The following TEKT5 variants were observed in gnomAD, a reference collection of about 807,000 sequenced individuals.
TEKT5 encodes the protein tektin 5.
In TEKT5, 52 loss-of-function variants were observed where a neutral mutation model predicts 48.7. The ratio of observed to expected loss-of-function variants is 1.07; its 90% CI spans 0.86 to 1.35. The LOEUF is 1.35. TEKT5 is among the 40% of genes most tolerant of loss of function. TEKT5 has a pLI of 0.00. For missense variants in TEKT5, 831 were observed against 641.6 expected, an observed-to-expected ratio of 1.30 and a Z score of -3.19; for synonymous variants, 318 against 267.6, an observed-to-expected ratio of 1.19 and a Z score of -1.84.
intron 4 of TEKT5, among the ~76,000 whole-genome samples, chr16:10,679,681 G>C (rs933070334): frequency 6.6e-6 from 1 of 151,962 alleles, no homozygotes; most frequent in African/African-American, 2.4e-5. Flanking sequence ...GATCACCTAA[G>C]GTCAGGAGTT....
intron 5 of TEKT5, among the ~76,000 whole-genome samples, chr16:10,652,457 C>G: frequency 7.8e-6 from 1 of 128,914 alleles, no homozygotes; most frequent in African/African-American, 3.1e-5. Context: ...GGCAAACACA[C>G]ACACACACAC....
chr16:10,669,207 C>T (rs1898512650), intron 5 of TEKT5, among the ~76,000 whole-genome samples: 1 of 152,134 alleles, frequency 6.6e-6, no homozygotes, highest in Non-Finnish European at 1.5e-5. Flanking sequence ...GTAGCTCACG[C>T]CTGTAATCCT....
At chr16:10,677,080 A>G (rs1898660158) in intron 4 of TEKT5, among the ~76,000 whole-genome samples, 1 of 152,146 alleles carries the variant, frequency 6.6e-6, no homozygotes, top group Non-Finnish European at 1.5e-5. Flanking sequence ...GGTCCCAGCT[A>G]CTTGGGAGGC....
At chr16:10,693,719 A>G (rs1473678187) in intron 1 of TEKT5, among the ~76,000 whole-genome samples, 1 of 152,242 alleles carries the variant, frequency 6.6e-6, no homozygotes, top group African/African-American at 2.4e-5. Context: ...ACAGTGGCCC[A>G]TGCCTGCAAT....
At chr16:10,677,867 A>G (rs376441302) in intron 4 of TEKT5, among the ~76,000 whole-genome samples, 63 of 152,278 alleles carry the variant, frequency 4.1e-4, no homozygotes, top group African/African-American at 1.5e-3. Context: ...AGGTCTGCAG[A>G]GGATAGTCGG....
At chr16:10,693,331 G>T (rs1899014645) in intron 1 of TEKT5, among the ~76,000 whole-genome samples, 1 of 152,184 alleles carries the variant, frequency 6.6e-6, no homozygotes, top group South Asian at 2.1e-4. Flanking sequence ...CTGACCTCAG[G>T]TGATCCACCT....
At chr16:10,630,879 C>A (rs1402482432) in intron 6 of TEKT5, among the ~76,000 whole-genome samples, 1 of 151,698 alleles carries the variant, frequency 6.6e-6, no homozygotes, top group African/African-American at 2.4e-5. Context: ...AAAAAATTAG[C>A]CAGGTGTCAT....
At chr16:10,667,113 A>C (rs1898471627) in intron 5 of TEKT5, among the ~76,000 whole-genome samples, 1 of 151,162 alleles carries the variant, frequency 6.6e-6, no homozygotes. Flanking sequence ...CCTCCCAAGT[A>C]GCTGGGACTA....
chr16:10,676,216 G>A, intron 4 of TEKT5, 35 bp from the exon 5 acceptor site: 1 of 1,605,186 alleles, frequency 6.2e-7, no homozygotes, highest in East Asian at 2.2e-5. Context: ...CAGCAGTCCT[G>A]GAAGACCTCA....
chr16:10,670,705 G>A, intron 5 of TEKT5, among the ~76,000 whole-genome samples: 1 of 152,092 alleles, frequency 6.6e-6, no homozygotes, highest in East Asian at 1.9e-4. Context: ...GTTGGAGTTT[G>A]GTGCATTTCA....
chr16:10,669,833 G>T (rs1482769887), intron 5 of TEKT5, among the ~76,000 whole-genome samples: 1 of 152,158 alleles, frequency 6.6e-6, no homozygotes, highest in African/African-American at 2.4e-5. Flanking sequence ...GGTCTCAGAG[G>T]AATCAGCACT....
In TEKT5 at chr16:10,676,047, C is replaced by T; in HGVS notation, c.998G>A (p.Arg333Lys). ...GGCCAGGTTGGTGTCTGTGAACTGCCTCCACATCTGATCCGACAAGGTCTC... is the reference window on the plus strand; with the variant it reads ...GGCCAGGTTGGTGTCTGTGAACTGCTTCCACATCTGATCCGACAAGGTCTC... ...LFETLSDQMWRQFTDTNLAFN... is the reference protein window; with the variant it reads ...LFETLSDQMWKQFTDTNLAFN... The change falls in exon 5 of 7, where the codon AGG becomes AAG. Residue 333 changes from arginine to lysine, a missense_variant. Coordinates refer to ENST00000283025, the MANE Select transcript of TEKT5 (RefSeq NM_144674.2). 1 of 1,614,232 alleles carries T rather than the reference C, an allele frequency of 6.2e-7. No individual in the cohort carries two copies. The highest frequency in any genetic ancestry group is 8.5e-7 in the Non-Finnish European group (1 of 1,180,044).
intron 3 of TEKT5, among the ~76,000 whole-genome samples, chr16:10,683,735 C>T (rs1420659928): frequency 6.6e-6 from 1 of 152,132 alleles, no homozygotes; most frequent in Non-Finnish European, 1.5e-5. Context: ...GGATTACAGG[C>T]ACCCGCCACC....
intron 5 of TEKT5, among the ~76,000 whole-genome samples, chr16:10,660,854 C>T (rs1321514837): frequency 6.6e-6 from 1 of 152,106 alleles, no homozygotes; most frequent in African/African-American, 2.4e-5. Context: ...GCCCACACCG[C>T]CACGCACGGC....
intron 5 of TEKT5, among the ~76,000 whole-genome samples, chr16:10,672,060 G>C (rs1033004734): frequency 6.6e-6 from 1 of 152,174 alleles, no homozygotes; most frequent in Non-Finnish European, 1.5e-5. Flanking sequence ...AGACTGGGAA[G>C]ATGGAAAAGT....
At chr16:10,693,404 T>C (rs975520792) in intron 1 of TEKT5, among the ~76,000 whole-genome samples, 3 of 152,250 alleles carry the variant, frequency 2.0e-5, no homozygotes, top group African/African-American at 2.4e-5. Context: ...CACATTTAGA[T>C]ATTTACTCAT....
Position 10,677,318 on chromosome 16 carries a change from A to G in TEKT5, c.864-1137T>C, listed in dbSNP as rs1197271658. Among the ~76,000 whole-genome samples the G allele has an allele frequency of 4.0e-5, 5 of 126,460 alleles. 1 individual carries two copies. Among genetic ancestry groups the G allele is most frequent in the African/African-American group, 8.0e-5 (2 of 25,024 alleles). 83.0% of individuals were successfully genotyped at this position (126,460 alleles called of 152,430 possible). On this transcript the variant is annotated intron_variant, in intron 4 of 6. Transcript: ENST00000283025. ...TGTTGAGATCGTCTGGGATTAGAAA[A>G]TGTATGAAGTGCTGAATGTGATGGC...
intron 5 of TEKT5, among the ~76,000 whole-genome samples, chr16:10,671,373 A>G (rs750442397): frequency 1.3e-5 from 2 of 152,254 alleles, no homozygotes; most frequent in Non-Finnish European, 2.9e-5. Flanking sequence ...GAGCCAAAAG[A>G]TGGACGCCAC....
At chr16:10,665,697 G>A (rs1295783099) in intron 5 of TEKT5, among the ~76,000 whole-genome samples, 1 of 152,106 alleles carries the variant, frequency 6.6e-6, no homozygotes, top group African/African-American at 2.4e-5. Context: ...GAACTCCCAG[G>A]GACCCCTCAT....
Sources: gnomAD v4.1 joint callset for allele counts (sites outside exome capture counted in the v4.1 genomes callset) on GRCh38, gnomAD v4.1.1 for gene constraint, MANE v1.5 for transcripts, NCBI Gene and HGNC (gene_info 2026-07-23, HGNC 2026-07-21) for gene names.